MALRD1: variants seen among roughly 807,000 people sequenced by gnomAD.
The protein encoded by MALRD1 is MAM and LDL-receptor class A domain-containing protein 1.
MALRD1 carries 247 observed loss-of-function variants against 242.1 expected under a neutral mutation model. The observed-to-expected ratio is 1.02, with a 90% CI of 0.92 to 1.13. The LOEUF (loss-of-function observed/expected upper bound fraction) is 1.13, where lower values mean the gene tolerates loss of function less well. Among genes scored for constraint, MALRD1 ranks in the 50% most tolerant of loss-of-function variants. The pLI is 0.00. For missense variants in MALRD1, 2,989 were observed against 2,533.1 expected (o/e 1.18, Z -3.86); for synonymous variants, 995 against 866.6 (o/e 1.15, Z -2.60).
chr10:19,271,133 A>G (rs1282646009), intron 19 of MALRD1, among the ~76,000 whole-genome samples: 2 of 152,222 alleles, frequency 1.3e-5, no homozygotes, highest in African/African-American at 4.8e-5. Context: ...GTTTCTAGAT[A>G]CATAAGGAGA....
At chr10:19,454,792 T>C (rs1340688389) in intron 29 of MALRD1, among the ~76,000 whole-genome samples, 2 of 152,012 alleles carry the variant, frequency 1.3e-5, no homozygotes, top group African/African-American at 4.8e-5. Flanking sequence ...TTGGTAGTTA[T>C]CTACTTTAGC....
At chr10:19,048,676 G>A (rs748092892), upstream of MALRD1, 7 of 275,620 alleles carry the variant, frequency 2.5e-5, no homozygotes, top group African/African-American at 4.4e-5. Flanking sequence ...TGTAAATATG[G>A]CATACAGGGG....
intron 27 of MALRD1, 155 bp from the exon 28 acceptor site, chr10:19,389,297 C>A (rs753651213): frequency 7.2e-6 from 6 of 829,060 alleles, no homozygotes; most frequent in Non-Finnish European, 1.0e-5. Context: ...AAGCTAGAGG[C>A]GAGGCTATTA....
chr10:19,627,024 A>T (rs1209765640), intron 36 of MALRD1, among the ~76,000 whole-genome samples: 1 of 152,162 alleles, frequency 6.6e-6, no homozygotes, highest in Admixed American at 6.5e-5. Context: ...CTTGGAAAAG[A>T]ATAAAAAGTC....
intron 28 of MALRD1, among the ~76,000 whole-genome samples, chr10:19,443,267 T>G (rs900767774): frequency 6.6e-6 from 1 of 152,118 alleles, no homozygotes; most frequent in Non-Finnish European, 1.5e-5. Flanking sequence ...TTTCAAAAAA[T>G]CAGCTCCTGG....
At chr10:19,153,256 G>A (rs916815219) in intron 11 of MALRD1, among the ~76,000 whole-genome samples, 9 of 152,170 alleles carry the variant, frequency 5.9e-5, no homozygotes, top group South Asian at 2.1e-4. Context: ...TTGTTCCTAT[G>A]CTCACAAGTG....
At chr10:19,585,250 G>A (rs1208774204) in intron 33 of MALRD1, among the ~76,000 whole-genome samples, 2 of 151,662 alleles carry the variant, frequency 1.3e-5, no homozygotes, top group Non-Finnish European at 2.9e-5. Context: ...TGTTATGTGT[G>A]AATTTGATCC....
intron 4 of MALRD1, among the ~76,000 whole-genome samples, chr10:19,102,857 C>CT (rs34617574): frequency 4.0e-5 from 6 of 150,862 alleles, no homozygotes; most frequent in Non-Finnish European, 5.9e-5. Flanking sequence ...GTCATTTCTT[C>CT]TTTTTTTTTG....
intron 28 of MALRD1, among the ~76,000 whole-genome samples, chr10:19,408,786 C>G (rs1353493729): frequency 6.6e-6 from 1 of 152,070 alleles, no homozygotes; most frequent in African/African-American, 2.4e-5. Flanking sequence ...ATACCAAGTG[C>G]TTGGGAGGAT....
At chr10:19,104,140 T>C (rs1258405448) in intron 5 of MALRD1, 65 bp downstream of exon 5, 21 of 889,854 alleles carry the variant, frequency 2.4e-5, no homozygotes, top group Non-Finnish European at 3.1e-5. Flanking sequence ...ATTTAAACAT[T>C]GTGATGACTT....
intron 7 of MALRD1, among the ~76,000 whole-genome samples, chr10:19,125,345 C>CT (rs1564408038): frequency 1.0e-5 from 1 of 96,816 alleles, no homozygotes; most frequent in African/African-American, 4.3e-5. Context: ...TTCTTTCTTT[C>CT]TTTCTTTCTT....
At chr10:19,255,124 C>G (rs541260710) in intron 18 of MALRD1, among the ~76,000 whole-genome samples, 3 of 151,938 alleles carry the variant, frequency 2.0e-5, no homozygotes, top group African/African-American at 4.8e-5. Context: ...CTTGGATGAG[C>G]TGGTTTACTT....
intron 26 of MALRD1, among the ~76,000 whole-genome samples, chr10:19,375,266 A>G (rs537172207): frequency 6.6e-6 from 1 of 152,318 alleles, no homozygotes; most frequent in African/African-American, 2.4e-5. Flanking sequence ...TTTTAAAATA[A>G]TGTTTCTCAA....
intron 5 of MALRD1, among the ~76,000 whole-genome samples, chr10:19,120,986 T>A (rs562573323): frequency 6.6e-6 from 1 of 151,218 alleles, no homozygotes; most frequent in East Asian, 2.0e-4. Flanking sequence ...TCAGGTGATC[T>A]ACCTGCCTCA....
At chr10:19,494,146 A>G (rs1446730522) in intron 30 of MALRD1, among the ~76,000 whole-genome samples, 1 of 152,190 alleles carries the variant, frequency 6.6e-6, no homozygotes, top group African/African-American at 2.4e-5. Context: ...TGGCTGGATT[A>G]CACCCCAAAT....
At chr10:19,138,785 T>C (rs900658235) in intron 10 of MALRD1, among the ~76,000 whole-genome samples, 1 of 152,194 alleles carries the variant, frequency 6.6e-6, no homozygotes, top group Non-Finnish European at 1.5e-5. Flanking sequence ...TCATACTTTA[T>C]GTTCACCTTT....
intron 32 of MALRD1, among the ~76,000 whole-genome samples, chr10:19,555,014 G>A (rs2131417878): frequency 6.6e-6 from 1 of 152,204 alleles, no homozygotes; most frequent in East Asian, 1.9e-4. Context: ...CCTACCAACA[G>A]TGTAAAAGCA....
At chr10:19,602,457 T>G (rs1480776879) in intron 34 of MALRD1, among the ~76,000 whole-genome samples, 1 of 150,978 alleles carries the variant, frequency 6.6e-6, no homozygotes, top group Non-Finnish European at 1.5e-5. Flanking sequence ...TTGTTTTTTT[T>G]TCCTTGCGAT....
chr10:19,356,374 G>A (rs1293714841), intron 26 of MALRD1, among the ~76,000 whole-genome samples: 1 of 152,062 alleles, frequency 6.6e-6, no homozygotes, highest in African/African-American at 2.4e-5. Context: ...GTTGGTGCAA[G>A]CGAGTTAAGG....
Sources: allele counts gnomAD v4.1 joint callset (sites outside exome capture counted in the v4.1 genomes callset), GRCh38; gene constraint gnomAD v4.1.1; transcripts MANE v1.5; gene names NCBI Gene and HGNC (gene_info 2026-07-23, HGNC 2026-07-21).